The following INTS13 variants were observed in gnomAD, a reference collection of about 807,000 sequenced individuals.
INTS13 encodes the protein integrator complex subunit 13.
Under a neutral mutation model 90.2 loss-of-function variants are expected in INTS13, and 35 were observed. The observed-to-expected ratio is 0.39, with a 90% CI of 0.30 to 0.51. INTS13 has a LOEUF of 0.51. Ranked by LOEUF, INTS13 falls within the 20% of genes least tolerant of loss-of-function variation. The probability of loss-of-function intolerance (pLI) is 0.80; values close to 1 mark genes in which losing one functional copy is unlikely to be tolerated. For missense variants in INTS13, 601 were observed against 851.2 expected, an observed-to-expected ratio of 0.71 and a Z score of 3.66; for synonymous variants, 309 against 277.1, an observed-to-expected ratio of 1.11 and a Z score of -1.14.
chr12:26,932,080 T>G (rs1411500767), intron 3 of INTS13, among the ~76,000 whole-genome samples: 1 of 109,390 alleles, frequency 9.1e-6, no homozygotes, highest in Non-Finnish European at 1.7e-5. Flanking sequence ...AGAGTGAAAC[T>G]CAGTCTCAAA....
chr12:26,914,633 GATTAC>G, intron 11 of INTS13, 55 bp from the exon 12 acceptor site: 1 of 1,401,202 alleles, frequency 7.1e-7, no homozygotes, highest in Non-Finnish European at 9.9e-7. Flanking sequence ...TTTCAGTATG[GATTAC>G]ATGTACTAGT....
intron 15 of INTS13, among the ~76,000 whole-genome samples, chr12:26,906,958 C>T (rs1592191814): frequency 6.6e-6 from 1 of 152,158 alleles, no homozygotes; most frequent in Non-Finnish European, 1.5e-5. Flanking sequence ...CTCTGCCTAA[C>T]CACAATGACC....
chr12:26,937,915 C>CAGGGG lies in INTS13; in HGVS notation c.-136_-132dup, dbSNP rs1938565698. On this transcript the variant is annotated 5_prime_UTR_variant, in exon 1 of 17. It removes the in-frame stop codon of an upstream open reading frame in the 5' UTR. Coordinates refer to ENST00000261191, the MANE Select transcript of INTS13 (RefSeq NM_018164.3). ...AGTCGGGAGTGTCTGGTGCCACAGA[C>CAGGGG]AGGGGACTATGCTTTCCCCGATCAT... 1 of 152,788 alleles carries CAGGGG rather than the reference C, an allele frequency of 6.5e-6. No individual in the cohort carries two copies. Among genetic ancestry groups the CAGGGG allele is most frequent in the Non-Finnish European group, 1.5e-5 (1 of 68,172 alleles). The allele number at this position is 152,788 out of a possible 1,614,324, so 9.5% of individuals were successfully genotyped here.
intron 11 of INTS13, among the ~76,000 whole-genome samples, chr12:26,915,394 T>C (rs746179988): frequency 2.6e-5 from 4 of 152,180 alleles, no homozygotes; most frequent in Non-Finnish European, 5.9e-5. Flanking sequence ...TTCTCCTTAT[T>C]TAAATATTAT....
chr12:26,936,561 T>C lies in INTS13; in HGVS notation c.225+18A>G. 1 of 1,549,412 alleles carries C rather than the reference T, an allele frequency of 6.5e-7. No homozygotes were observed. Among genetic ancestry groups the C allele is most frequent in the South Asian group, 1.1e-5 (1 of 89,408 alleles). On this transcript the variant is annotated intron_variant, in intron 2 of 16. Transcript: ENST00000261191. ...GTACATCCCCAAAATCATGATTTTGTTTGTACTTCACACTCACCAGCTTTT... is the reference window on the plus strand; with the variant it reads ...GTACATCCCCAAAATCATGATTTTGCTTGTACTTCACACTCACCAGCTTTT...
Position 26,914,125 on chromosome 12 carries a change from C to G in INTS13, c.1423G>C (p.Val475Leu). 2 of 1,573,432 alleles carry G rather than the reference C, an allele frequency of 1.3e-6. No individual in the cohort carries two copies. The highest frequency in any genetic ancestry group is 1.7e-6 in the Non-Finnish European group (2 of 1,167,608). The change falls in exon 13 of 17, where the codon GTT becomes CTT. Residue 475 changes from valine to leucine, a missense_variant. By Grantham distance (32) the Val-to-Leu change is conservative (BLOSUM62 1). Coordinates refer to ENST00000261191, the MANE Select transcript of INTS13 (RefSeq NM_018164.3). ...QTTIFNMQAV[V>L]PLASVIVKES... ...TTCACAATAACACTGGCTAATGGAA[C>G]TACCTGTTAGATTTTTTTTAAAGAA... is the stretch of plus-strand genomic sequence containing the variant.
At chr12:26,924,228 A>G in intron 7 of INTS13, 127 bp downstream of exon 7, 3 of 961,450 alleles carry the variant, frequency 3.1e-6, no homozygotes, top group Non-Finnish European at 4.5e-6. Flanking sequence ...CCTGGCCTCA[A>G]GTGATCCTCC....
At chr12:26,921,508 T>C (rs1041760547) in intron 8 of INTS13, among the ~76,000 whole-genome samples, 2 of 152,222 alleles carry the variant, frequency 1.3e-5, no homozygotes, top group East Asian at 1.9e-4. Context: ...TTGCCATTAA[T>C]AGGTGATACT....
chr12:26,912,263 C>T (rs967789826), intron 14 of INTS13, among the ~76,000 whole-genome samples: 2 of 152,050 alleles, frequency 1.3e-5, no homozygotes, highest in Non-Finnish European at 2.9e-5. Context: ...TGGTGAAACT[C>T]CATCTCTACT....
intron 8 of INTS13, 146 bp from the exon 9 acceptor site, chr12:26,917,879 TTTGG>T: frequency 1.6e-6 from 1 of 606,574 alleles, no homozygotes. Context: ...ATCCCAGCAC[TTTGG>T]GAGGCTGAGG....
At chr12:26,911,338 G>A in intron 14 of INTS13, 21 bp from the exon 15 acceptor site, 1 of 1,583,698 alleles carries the variant, frequency 6.3e-7, no homozygotes, top group Admixed American at 1.9e-5. Context: ...GACAAATAAT[G>A]AAATGTAAAG....
chr12:26,929,032 T>C (rs1938044065), intron 3 of INTS13, 127 bp from the exon 4 acceptor site: 3 of 807,312 alleles, frequency 3.7e-6, no homozygotes, highest in Non-Finnish European at 1.9e-6. Context: ...AAAAAAATAG[T>C]AGCAAACCAA....
At chr12:26,911,727 G>A (rs138024756) in intron 14 of INTS13, among the ~76,000 whole-genome samples, 48 of 152,268 alleles carry the variant, frequency 3.2e-4, no homozygotes, top group Non-Finnish European at 4.9e-4. Flanking sequence ...TCTATGTATT[G>A]TGTAGATGTA....
chr12:26,919,964 T>C (rs1952060939), intron 8 of INTS13, among the ~76,000 whole-genome samples: 1 of 151,890 alleles, frequency 6.6e-6, no homozygotes, highest in Non-Finnish European at 1.5e-5. Context: ...CCGTCTCTAT[T>C]AAAAACACAA....
chr12:26,906,929 G>A (rs918243793), intron 15 of INTS13, among the ~76,000 whole-genome samples: 1 of 152,142 alleles, frequency 6.6e-6, no homozygotes, highest in Non-Finnish European at 1.5e-5. Flanking sequence ...TTTTACTGGG[G>A]GCTGATCAGG....
At chr12:26,931,820 C>T (rs746348355) in intron 3 of INTS13, among the ~76,000 whole-genome samples, 1 of 152,190 alleles carries the variant, frequency 6.6e-6, no homozygotes, top group African/African-American at 2.4e-5. Context: ...TGCGTGGTGG[C>T]TCACACCTGT....
chr12:26,917,185 A>AT (rs1276770510), intron 10 of INTS13, among the ~76,000 whole-genome samples, 167 bp downstream of exon 10: 2 of 152,126 alleles, frequency 1.3e-5, no homozygotes, highest in Non-Finnish European at 2.9e-5. Flanking sequence ...TTCAAATTAC[A>AT]TAAGTTTAAA....
At chr12:26,909,377 C>A (rs769817416) in intron 15 of INTS13, among the ~76,000 whole-genome samples, 12 of 151,822 alleles carry the variant, frequency 7.9e-5, no homozygotes, top group Non-Finnish European at 1.6e-4. Flanking sequence ...TAAATAAATA[C>A]ATACATACCA....
chr12:26,917,693 A>C lies in INTS13; in HGVS notation c.930T>G (p.Phe310Leu). ...ACCACTTTAATGTTATTGTTTCTTT[A>C]AACGAGCCTTCTCGACTGCCGCCAC... ...HLGGGSREGS[F>L]KETITLKWCT... The change falls in exon 9 of 17, where the codon TTT becomes TTG. Residue 310 changes from phenylalanine to leucine, a missense_variant. By Grantham distance (22) the Phe-to-Leu change is conservative (BLOSUM62 0). Coordinates refer to ENST00000261191, the MANE Select transcript of INTS13 (RefSeq NM_018164.3). 1 of 1,614,146 alleles carries C rather than the reference A, an allele frequency of 6.2e-7. No homozygotes were observed. The highest frequency in any genetic ancestry group is 8.5e-7 in the Non-Finnish European group (1 of 1,180,000).
Sources: allele counts gnomAD v4.1 joint callset (sites outside exome capture counted in the v4.1 genomes callset), GRCh38; gene constraint gnomAD v4.1.1; transcripts MANE v1.5; gene names NCBI Gene and HGNC (gene_info 2026-07-23, HGNC 2026-07-21).